ELK4: variants seen among roughly 807,000 people sequenced by gnomAD.
ELK4 encodes the protein ETS transcription factor ELK4.
Under a neutral mutation model 29.6 loss-of-function variants are expected in ELK4, and 16 were observed. The ratio of observed to expected loss-of-function variants is 0.54; its 90% CI spans 0.37 to 0.82. ELK4 has a LOEUF of 0.82. ELK4 is among the 40% of genes least tolerant of loss of function. The probability of loss-of-function intolerance (pLI) is 0.00; values close to 1 mark genes in which losing one functional copy is unlikely to be tolerated. For synonymous variants in ELK4, 213 were observed against 191.1 expected (o/e 1.11, Z -0.95); for missense variants, 465 against 507.1 (o/e 0.92, Z 0.80).
chr1:205,610,772 C>A lies in ELK4; in HGVS notation c.*5774G>T. On this transcript the variant is annotated 3_prime_UTR_variant, in exon 5 of 5. Transcript: ENST00000357992. ...TGTTCCCTATGAAAACAGATTTACA[C>A]GCGCACACACACACACACACACATT... 4.3e-6 allele frequency: 1 copy of A among 230,614 alleles called. No individual in the cohort carries two copies. The highest frequency in any genetic ancestry group is 6.1e-5 in the East Asian group (1 of 16,350). The allele number at this position is 230,614 out of a possible 1,614,324, so 14.3% of individuals were successfully genotyped here.
chr1:205,621,119 C>T (rs1670337093), intron 2 of ELK4, among the ~76,000 whole-genome samples: 1 of 143,206 alleles, frequency 7.0e-6, no homozygotes, highest in Non-Finnish European at 1.5e-5. Flanking sequence ...CCCTTGAACC[C>T]GGGAGGCGGA....
At chr1:205,627,860 TAC>T (rs1670497424) in intron 1 of ELK4, among the ~76,000 whole-genome samples, 1 of 152,170 alleles carries the variant, frequency 6.6e-6, no homozygotes, top group Non-Finnish European at 1.5e-5. Flanking sequence ...AAGCTGGTTG[TAC>T]AGAGACAGTC....
chr1:205,620,778 T>C lies in ELK4; in HGVS notation c.268A>G (p.Ile90Val), dbSNP rs760483350. ...ACTGTCATTGGATCCATGTTCAAAA[T>C]CTCTGGATAAGAGACAAACTTGTAC... is the stretch of plus-strand genomic sequence containing the variant. ...FVYKFVSYPE[I>V]LNMDPMTVGR... The change falls in exon 3 of 5, where the codon ATT (isoleucine) becomes GTT (valine). Residue 90 changes from isoleucine to valine, a missense_variant. Around this residue, in one of 2 missense-constraint regions of ELK4, gnomAD observed 385 missense variants for 387.5 expected, o/e 0.99. Coordinates refer to ENST00000357992, the MANE Select transcript of ELK4 (RefSeq NM_001973.4). 23 of 1,613,814 alleles carry C rather than the reference T, an allele frequency of 1.4e-5. No homozygotes were observed. Among genetic ancestry groups the C allele is most frequent in the Non-Finnish European group, 1.8e-5 (21 of 1,180,024 alleles).
chr1:205,621,303 C>T (rs1032417261), intron 2 of ELK4, among the ~76,000 whole-genome samples: 10 of 151,630 alleles, frequency 6.6e-5, no homozygotes, highest in Non-Finnish European at 1.3e-4. Context: ...TTCATCTAGC[C>T]ATACCAAACA....
rs1366406867 is a variant in ELK4, at chr1:205,607,958, T to C, written c.*8588A>G. The C allele has an allele frequency of 1.2e-5, 2 of 172,172 alleles. No individual in the cohort carries two copies. Among genetic ancestry groups the C allele is most frequent in the Non-Finnish European group, 2.5e-5 (2 of 79,474 alleles). 10.7% of individuals were successfully genotyped at this position (172,172 alleles called of 1,614,324 possible). On this transcript the variant is annotated 3_prime_UTR_variant, in exon 5 of 5. Coordinates refer to ENST00000357992, the MANE Select transcript of ELK4 (RefSeq NM_001973.4). ...ATTCAGAAAATCATTTTGTTAAAAA[T>C]ATTTATTTAAAAAAATACAACTGCT...
At position 205,620,434 on chromosome 1, in the gene ELK4, A is replaced by T. The variant is rs747478689; in HGVS notation, c.612T>A (p.Val204=). Residue 204 remains valine, a synonymous_variant, in exon 3 of 5, where the codon GTT becomes GTA. Coordinates refer to ENST00000357992, the MANE Select transcript of ELK4 (RefSeq NM_001973.4). ...TPSKKPPVEP[V]AATISIGPSI... Reference sequence around the variant, plus strand: ...TTGGGCCAATTGAAATGGTGGCAGCAACAGGTTCAACCGGTGGCTTTTTGG... The same window carrying T: ...TTGGGCCAATTGAAATGGTGGCAGCTACAGGTTCAACCGGTGGCTTTTTGG... 3.1e-6 allele frequency: 5 copies of T among 1,614,212 alleles called. No homozygotes were observed. Among genetic ancestry groups the T allele is most frequent in the Non-Finnish European group, 1.7e-6 (2 of 1,180,038 alleles).
Position 205,623,334 on chromosome 1 carries a change from C to T in ELK4, c.207+342G>A, listed in dbSNP as rs573186598. 3.2e-3 allele frequency among the ~76,000 whole-genome samples: 441 copies of T among 138,686 alleles called. 2 individuals are homozygous for T. Among genetic ancestry groups the T allele is most frequent in the African/African-American group, 0.011 (395 of 36,518 alleles). 91.0% of individuals were successfully genotyped at this position (138,686 alleles called of 152,430 possible). On this transcript the variant is annotated intron_variant, in intron 2 of 4. Transcript: ENST00000357992. Reference sequence around the variant, plus strand: ...AATCTTTTTTTTTTTTTTTTTGAGACGGAGTCTCACTGTCACCCAGGCTGG... The same window carrying T: ...AATCTTTTTTTTTTTTTTTTTGAGATGGAGTCTCACTGTCACCCAGGCTGG...
At chr1:205,622,536 G>A (rs766900212) in intron 2 of ELK4, among the ~76,000 whole-genome samples, 2 of 152,054 alleles carry the variant, frequency 1.3e-5, no homozygotes, top group Non-Finnish European at 2.9e-5. Context: ...GGGACTACAG[G>A]TGTACACCAC....
rs1197055340 is a variant in ELK4, at chr1:205,609,814, C to T, written c.*6732G>A. ...TTTCTACAAAGCACAATATTAAAAGCTTGCAAATTATTTTAAAATATCCTA... is the reference window on the plus strand; with the variant it reads ...TTTCTACAAAGCACAATATTAAAAGTTTGCAAATTATTTTAAAATATCCTA... On this transcript the variant is annotated 3_prime_UTR_variant, in exon 5 of 5. Coordinates refer to ENST00000357992, the MANE Select transcript of ELK4 (RefSeq NM_001973.4). 1 of 218,504 alleles carries T rather than the reference C, an allele frequency of 4.6e-6. No individual in the cohort carries two copies. The highest frequency in any genetic ancestry group is 9.2e-6 in the Non-Finnish European group (1 of 108,922). The allele number at this position is 218,504 out of a possible 1,614,324, so 13.5% of individuals were successfully genotyped here. A position where few individuals can be genotyped will look rare whatever the true frequency, so the allele number is the denominator to read the frequency against.
chr1:205,627,495 C>G (rs974522473), intron 1 of ELK4, among the ~76,000 whole-genome samples: 2 of 149,880 alleles, frequency 1.3e-5, no homozygotes, highest in Non-Finnish European at 3.0e-5. Context: ...GGTGACAGAG[C>G]GAGACTCCGC....
rs1670190567 is a variant in ELK4, at chr1:205,613,832, C to T, written c.*2714G>A. 4.7e-6 allele frequency: 1 copy of T among 213,668 alleles called. No individual in the cohort carries two copies. Among genetic ancestry groups the T allele is most frequent in the Admixed American group, 5.9e-5 (1 of 17,062 alleles). The allele number at this position is 213,668 out of a possible 1,614,324, so 13.2% of individuals were successfully genotyped here. A position where few individuals can be genotyped will look rare whatever the true frequency, so the allele number is the denominator to read the frequency against. ...TAGGCTACTGCTGCCCAACAGCATT[C>T]ATCCTGGCAAAGTGACTAGGGATGG... On this transcript the variant is annotated 3_prime_UTR_variant, in exon 5 of 5. Coordinates refer to ENST00000357992, the MANE Select transcript of ELK4 (RefSeq NM_001973.4).
chr1:205,615,586 A>T lies in ELK4; in HGVS notation c.*960T>A, dbSNP rs891691410. On this transcript the variant is annotated 3_prime_UTR_variant, in exon 5 of 5. Coordinates refer to ENST00000357992, the MANE Select transcript of ELK4 (RefSeq NM_001973.4). ...TGAACAGGAAAAAGACAGGTCCTTCACTTGGTTATCTTCTAATTGAGAAAA... is the reference window on the plus strand; with the variant it reads ...TGAACAGGAAAAAGACAGGTCCTTCTCTTGGTTATCTTCTAATTGAGAAAA... 1 of 193,530 alleles carries T rather than the reference A, an allele frequency of 5.2e-6. No homozygotes were observed. Among genetic ancestry groups the T allele is most frequent in the African/African-American group, 2.3e-5 (1 of 43,144 alleles). The allele number at this position is 193,530 out of a possible 1,614,324, so 12.0% of individuals were successfully genotyped here. A position where few individuals can be genotyped will look rare whatever the true frequency, so the allele number is the denominator to read the frequency against.
At chr1:205,624,212 T>C (rs1223927951) in intron 1 of ELK4, among the ~76,000 whole-genome samples, 20 of 152,214 alleles carry the variant, frequency 1.3e-4, no homozygotes, top group Admixed American at 1.2e-3. Context: ...AGGATAAAGC[T>C]AGTTCCCTAA....
chr1:205,623,246 C>A (rs1670385872), intron 2 of ELK4, among the ~76,000 whole-genome samples: 1 of 148,320 alleles, frequency 6.7e-6, no homozygotes, highest in African/African-American at 2.5e-5. Flanking sequence ...GCTGAAGCTA[C>A]AAAATACACT....
In ELK4 at chr1:205,608,991, G is replaced by A. The variant is rs1421562533; in HGVS notation, c.*7555C>T. 1 of 188,956 alleles carries A rather than the reference G, an allele frequency of 5.3e-6. No individual in the cohort carries two copies. Among genetic ancestry groups the A allele is most frequent in the Admixed American group, 6.2e-5 (1 of 16,192 alleles). The allele number at this position is 188,956 out of a possible 1,614,324, so 11.7% of individuals were successfully genotyped here. A position where few individuals can be genotyped will look rare whatever the true frequency, so the allele number is the denominator to read the frequency against. On this transcript the variant is annotated 3_prime_UTR_variant, in exon 5 of 5. Transcript: ENST00000357992. Reference sequence around the variant, plus strand: ...TACAGATTGGCTTAATGAAAATTAAGAGTTTATTATTAAGCATCTTTTAAT... The same window carrying A: ...TACAGATTGGCTTAATGAAAATTAAAAGTTTATTATTAAGCATCTTTTAAT...
chr1:205,618,844 T>C, intron 4 of ELK4, 113 bp downstream of exon 4: 4 of 770,940 alleles, frequency 5.2e-6, no homozygotes, highest in Non-Finnish European at 8.2e-6. Context: ...AAAAAGAATA[T>C]TCATTAAATA....
At chr1:205,617,963 A>ATGTGTG (rs1670262714) in intron 4 of ELK4, among the ~76,000 whole-genome samples, 1 of 143,070 alleles carries the variant, frequency 7.0e-6, no homozygotes, top group African/African-American at 2.7e-5. Context: ...GATCCCCCAT[A>ATGTGTG]TATGTGTGTG....
chr1:205,630,188 C>A (rs1219124277), intron 1 of ELK4, among the ~76,000 whole-genome samples: 2 of 151,450 alleles, frequency 1.3e-5, no homozygotes, highest in African/African-American at 4.9e-5. Context: ...AAAGTTATAA[C>A]AAAGGAAGAA....
chr1:205,627,306 G>A (rs1236115261), intron 1 of ELK4, among the ~76,000 whole-genome samples: 1 of 152,098 alleles, frequency 6.6e-6, no homozygotes, highest in South Asian at 2.1e-4. Flanking sequence ...TCAGAAGATC[G>A]AGACCATCCT....
Sources: allele counts gnomAD v4.1 joint callset (sites outside exome capture counted in the v4.1 genomes callset), GRCh38; gene constraint gnomAD v4.1.1; regional missense constraint gnomAD v4.1.1; transcripts MANE v1.5; gene names NCBI Gene and HGNC (gene_info 2026-07-23, HGNC 2026-07-21).